The following CRPPA variants were observed in gnomAD, a reference collection of about 807,000 sequenced individuals.
CRPPA encodes D-ribitol-5-phosphate cytidylyltransferase.
In CRPPA, 43 loss-of-function variants were observed where a neutral mutation model predicts 52.0. The ratio of observed to expected loss-of-function variants is 0.83; its 90% CI spans 0.65 to 1.07. The LOEUF (loss-of-function observed/expected upper bound fraction) is 1.07. CRPPA is among the 50% of genes least tolerant of loss of function. The probability of loss-of-function intolerance (pLI) is 0.00; values close to 1 mark genes in which losing one functional copy is unlikely to be tolerated. For synonymous variants in CRPPA, 250 were observed against 203.5 expected (o/e 1.23, Z -1.94); for missense variants, 629 against 551.7 (o/e 1.14, Z -1.40).
At chr7:16,266,094 T>C (rs1783946248) in intron 6 of CRPPA, 2 of 152,364 alleles carry the variant, frequency 1.3e-5, no homozygotes, top group South Asian at 4.1e-4. Flanking sequence ...GGGAGGAACA[T>C]GTATTCTGGA....
rs376550956 is a variant in CRPPA, at chr7:16,347,515, G to A, written c.684+28577C>T. ...CTTTAAATAATGCCACTATTTTATC[G>A]TTCAGAAAATATAGTCAAGAAGCAG... On this transcript the variant is annotated intron_variant, in intron 3 of 9. Transcript: ENST00000407010. Among the ~76,000 whole-genome samples the A allele has an allele frequency of 3.3e-5, 5 of 151,998 alleles. No homozygotes were observed. The East Asian group carries it at 5.8e-4, about 18-fold the overall frequency.
At chr7:16,151,026 G>A (rs78996806) in intron 9 of CRPPA, among the ~76,000 whole-genome samples, 9,063 of 152,178 alleles carry the variant, frequency 0.06, 352 homozygotes, top group East Asian at 0.13. Context: ...AGGTTTTTTG[G>A]AGGACACATT....
intron 5 of CRPPA, among the ~76,000 whole-genome samples, chr7:16,300,215 T>C (rs1221187310): frequency 1.3e-5 from 2 of 152,180 alleles, no homozygotes; most frequent in African/African-American, 4.8e-5. Context: ...AAACAACAAA[T>C]ACATTGTCAT....
chr7:16,147,884 G>A (rs966154879), intron 9 of CRPPA, among the ~76,000 whole-genome samples: 3 of 152,040 alleles, frequency 2.0e-5, no homozygotes, highest in African/African-American at 7.2e-5. Flanking sequence ...TTTTCATCCT[G>A]TTTATTAATA....
intron 8 of CRPPA, 64 bp from the exon 9 acceptor site, chr7:16,216,261 A>C (rs982932799): frequency 9.3e-7 from 1 of 1,077,484 alleles, no homozygotes; most frequent in Non-Finnish European, 1.3e-6. Flanking sequence ...GAGGGAAAAA[A>C]CATTAAAGAA....
chr7:16,171,811 A>G (rs149391519), intron 9 of CRPPA, among the ~76,000 whole-genome samples: 1 of 151,944 alleles, frequency 6.6e-6, no homozygotes, highest in East Asian at 1.9e-4. Flanking sequence ...TAAATAAATA[A>G]AATAAAAATA....
intron 9 of CRPPA, among the ~76,000 whole-genome samples, chr7:16,212,709 C>T (rs1022985169): frequency 1.6e-4 from 24 of 152,272 alleles, no homozygotes; most frequent in South Asian, 8.3e-4. Flanking sequence ...CCTCTGTCTC[C>T]GCTTTCTCAT....
At chr7:16,165,320 G>A (rs1458277656) in intron 9 of CRPPA, among the ~76,000 whole-genome samples, 1 of 151,672 alleles carries the variant, frequency 6.6e-6, no homozygotes, top group South Asian at 2.1e-4. Context: ...GAGATGAAAT[G>A]ATCTGTTTAG....
intron 9 of CRPPA, among the ~76,000 whole-genome samples, chr7:16,120,234 T>G (rs1782455588): frequency 6.6e-6 from 1 of 152,174 alleles, no homozygotes; most frequent in African/African-American, 2.4e-5. Flanking sequence ...TCATCCGGTT[T>G]TATCAGGAAT....
chr7:16,289,208 A>G (rs1784510094), intron 5 of CRPPA, among the ~76,000 whole-genome samples: 1 of 152,172 alleles, frequency 6.6e-6, no homozygotes, highest in African/African-American at 2.4e-5. Context: ...TTGAATCAGT[A>G]ATAAAAAGTC....
At chr7:16,330,546 G>T (rs570231452) in intron 3 of CRPPA, among the ~76,000 whole-genome samples, 3 of 152,118 alleles carry the variant, frequency 2.0e-5, no homozygotes, top group Non-Finnish European at 4.4e-5. Context: ...CATAGGGAAA[G>T]CTCAAATGTA....
At chr7:16,256,937 G>T (rs1267985001) in intron 8 of CRPPA, among the ~76,000 whole-genome samples, 1 of 151,934 alleles carries the variant, frequency 6.6e-6, no homozygotes, top group Non-Finnish European at 1.5e-5. Context: ...GGAAATACAT[G>T]GCTGAAGCTT....
At chr7:16,252,161 C>G (rs1410580355) in intron 8 of CRPPA, among the ~76,000 whole-genome samples, 1 of 152,130 alleles carries the variant, frequency 6.6e-6, no homozygotes, top group African/African-American at 2.4e-5. Flanking sequence ...GAATAAAATA[C>G]TGGCAAACGA....
intron 5 of CRPPA, among the ~76,000 whole-genome samples, chr7:16,292,432 C>A (rs1408308244): frequency 1.3e-5 from 2 of 151,900 alleles, no homozygotes; most frequent in African/African-American, 4.8e-5. Flanking sequence ...AAAATATCTT[C>A]CTCTTCCTCT....
intron 8 of CRPPA, among the ~76,000 whole-genome samples, chr7:16,226,622 C>G (rs1359746049): frequency 6.6e-6 from 1 of 151,804 alleles, no homozygotes; most frequent in East Asian, 1.9e-4. Flanking sequence ...AGCTATATTT[C>G]AAGAGGTCAT....
At chr7:16,378,261 T>TC (rs1223160219) in intron 2 of CRPPA, among the ~76,000 whole-genome samples, 1 of 56,742 alleles carries the variant, frequency 1.8e-5, no homozygotes, top group Non-Finnish European at 3.1e-5. Context: ...CCCTCCCCCC[T>TC]CCCCCCACCC....
chr7:16,399,138 G>A (rs1787714484), intron 2 of CRPPA, among the ~76,000 whole-genome samples: 1 of 152,198 alleles, frequency 6.6e-6, no homozygotes, highest in Non-Finnish European at 1.5e-5. Context: ...TTTCACCAAT[G>A]TGTGACCAAA....
intron 8 of CRPPA, among the ~76,000 whole-genome samples, chr7:16,230,546 T>C (rs1782765475): frequency 6.6e-6 from 1 of 152,194 alleles, no homozygotes; most frequent in Non-Finnish European, 1.5e-5. Context: ...GTTTTCTTCA[T>C]TGTGTTGAAT....
intron 3 of CRPPA, among the ~76,000 whole-genome samples, chr7:16,311,583 T>C (rs772298658): frequency 1.3e-5 from 2 of 152,144 alleles, no homozygotes; most frequent in Non-Finnish European, 2.9e-5. Context: ...CTAAGCTATT[T>C]ATGTTGGTTC....
Sources: gnomAD v4.1 joint callset for allele counts (sites outside exome capture counted in the v4.1 genomes callset) on GRCh38, gnomAD v4.1.1 for gene constraint, MANE v1.5 for transcripts, NCBI Gene and HGNC (gene_info 2026-07-23, HGNC 2026-07-21) for gene names.